Variants in KYAT1 observed in about 807,000 individuals in gnomAD.
KYAT1 encodes the protein kynurenine aminotransferase 1, also known as kynurenine--oxoglutarate transaminase 1.
In KYAT1, 47 loss-of-function variants were observed where a neutral mutation model predicts 52.4. The ratio of observed to expected loss-of-function variants is 0.90; its 90% CI spans 0.71 to 1.14. KYAT1 has a LOEUF of 1.14. Among genes scored for constraint, KYAT1 ranks in the 50% most tolerant of loss-of-function variants. The pLI, the probability that KYAT1 is intolerant of heterozygous loss-of-function variation, is 0.00. For synonymous variants in KYAT1, 212 were observed against 209.6 expected (o/e 1.01, Z -0.10); for missense variants, 480 against 557.9 (o/e 0.86, Z 1.41).
Position 128,835,315 on chromosome 9 carries a change from C to A in KYAT1, c.1122+8G>T. 6.2e-7 allele frequency: 1 copy of A among 1,612,592 alleles called. No homozygotes were observed. Among genetic ancestry groups the A allele is most frequent in the Non-Finnish European group, 8.5e-7 (1 of 1,178,864 alleles). ...CATACATGGCTGCCTGGCAGAGGCC[C>A]AGCCCACCTTGTTCTTGATCATCCA... On this transcript the variant is annotated splice_region_variant and intron_variant, in intron 11 of 12. Transcript: ENST00000302586.
intron 1 of KYAT1, among the ~76,000 whole-genome samples, chr9:128,870,292 A>G (rs1043491766): frequency 1.3e-5 from 2 of 152,216 alleles, no homozygotes; most frequent in African/African-American, 4.8e-5. Flanking sequence ...AATATTATTC[A>G]GCCACAAAAT....
At chr9:128,868,239 C>A (rs59077138) in intron 1 of KYAT1, among the ~76,000 whole-genome samples, 2 of 151,202 alleles carry the variant, frequency 1.3e-5, no homozygotes, top group East Asian at 3.9e-4. Context: ...TGCAATGGCA[C>A]GATCTTGATT....
At chr9:128,848,132 C>T (rs983630145) in intron 1 of KYAT1, among the ~76,000 whole-genome samples, 3 of 151,962 alleles carry the variant, frequency 2.0e-5, no homozygotes, top group African/African-American at 4.8e-5. Flanking sequence ...CCAGCCTGGG[C>T]AACATACTGA....
In KYAT1 at chr9:128,836,011, C is replaced by T. The variant is rs761783466; in HGVS notation, c.751G>A (p.Ala251Thr). 8 of 1,613,408 alleles carry T rather than the reference C, an allele frequency of 5.0e-6. No individual in the cohort carries two copies. Among genetic ancestry groups the T allele is most frequent in the Non-Finnish European group, 3.4e-6 (4 of 1,179,544 alleles). The change falls in exon 8 of 13, where the codon GCC becomes ACC. Residue 251 changes from alanine (A) to threonine (T), a missense_variant. Coordinates refer to ENST00000302586, the MANE Select transcript of KYAT1 (RefSeq NM_004059.5). ...TIGSAGKTFS[A>T]TGWKVGWVLG... is the part of the protein sequence containing the mutation. ...CAGCAACTCACCTTCCAGCCAGTGG[C>T]GCTGAAGGTCTTGCCGGCGCTGCCG...
intron 1 of KYAT1, chr9:128,847,339 GA>G: frequency 1.3e-6 from 1 of 777,072 alleles, no homozygotes; most frequent in Non-Finnish European, 2.0e-6. Flanking sequence ...CCCTGAAAGA[GA>G]AGGCTCATGC....
intron 1 of KYAT1, among the ~76,000 whole-genome samples, chr9:128,871,043 G>A (rs571228958): frequency 4.0e-5 from 6 of 151,886 alleles, no homozygotes; most frequent in South Asian, 4.1e-4. Flanking sequence ...CAGGCTGGCC[G>A]CGGTGACTCA....
At chr9:128,852,311 T>C (rs933378933) in intron 1 of KYAT1, among the ~76,000 whole-genome samples, 1 of 152,166 alleles carries the variant, frequency 6.6e-6, no homozygotes, top group African/African-American at 2.4e-5. Context: ...CCTTTAATTA[T>C]AATTGATCTG....
intron 7 of KYAT1, 98 bp downstream of exon 7, chr9:128,836,704 C>A (rs1243184797): frequency 3.6e-5 from 50 of 1,406,152 alleles, no homozygotes; most frequent in Non-Finnish European, 4.7e-5. Context: ...GGCTCCATAA[C>A]CCTGGGTTCT....
At chr9:128,874,213 G>A (rs1332366562) in intron 1 of KYAT1, among the ~76,000 whole-genome samples, 22 of 150,222 alleles carry the variant, frequency 1.5e-4, no homozygotes, top group Admixed American at 1.3e-4. Context: ...CCGAGATCAC[G>A]CCACTGCGCT....
chr9:128,879,136 C>G (rs1000724028), intron 1 of KYAT1, among the ~76,000 whole-genome samples: 11 of 152,144 alleles, frequency 7.2e-5, no homozygotes, highest in Non-Finnish European at 1.5e-4. Context: ...CGGTGAAACC[C>G]CGTCTCTACT....
upstream of KYAT1, chr9:128,882,386 C>A (rs1839086853): frequency 4.1e-6 from 1 of 245,558 alleles, no homozygotes; most frequent in Non-Finnish European, 7.8e-6. Context: ...CCCTGGGGAC[C>A]TCCCGCGGTG....
In KYAT1 at chr9:128,836,090, A is replaced by G. The variant is rs1831040465; in HGVS notation, c.689-17T>C. 6.2e-7 allele frequency: 1 copy of G among 1,612,402 alleles called. No homozygotes were observed. The highest frequency in any genetic ancestry group is 1.3e-5 in the African/African-American group (1 of 75,016). ...GGAGGCTGGCTGCCCAAGGCCGAAC[A>G]GAACAGCTGCTGAGACTGGGGTGAG... On this transcript the variant is annotated splice_polypyrimidine_tract_variant and intron_variant, in intron 7 of 12. Transcript: ENST00000302586.
At chr9:128,846,600 C>CAAAAAAAAA (rs57333664) in intron 1 of KYAT1, 85 of 419,148 alleles carry the variant, frequency 2.0e-4, no homozygotes, top group Admixed American at 3.9e-4. Flanking sequence ...AAGACTCTAC[C>CAAAAAAAAA]AAAAAAAAAA....
chr9:128,860,949 G>A (rs1221568163), intron 1 of KYAT1, among the ~76,000 whole-genome samples: 1 of 152,114 alleles, frequency 6.6e-6, no homozygotes, highest in Non-Finnish European at 1.5e-5. Context: ...AAAGATCACT[G>A]ATCACAGATC....
Position 128,833,507 on chromosome 9 carries a change from A to G in KYAT1, c.*77T>C. On this transcript the variant is annotated 3_prime_UTR_variant, in exon 13 of 13. Coordinates refer to ENST00000302586, the MANE Select transcript of KYAT1 (RefSeq NM_004059.5). ...CTTCCCCAACCTAGAAATGTCTGAAACCTGGACAAAGACAGACACTCAAAG... is the reference window on the plus strand; with the variant it reads ...CTTCCCCAACCTAGAAATGTCTGAAGCCTGGACAAAGACAGACACTCAAAG... 6.9e-7 allele frequency: 1 copy of G among 1,443,760 alleles called. No individual in the cohort carries two copies. Among genetic ancestry groups the G allele is most frequent in the Non-Finnish European group, 9.7e-7 (1 of 1,025,656 alleles). 89.4% of individuals were successfully genotyped at this position (1,443,760 alleles called of 1,614,324 possible). A position where few individuals can be genotyped will look rare whatever the true frequency, so the allele number is the denominator to read the frequency against.
intron 3 of KYAT1, among the ~76,000 whole-genome samples, chr9:128,839,790 C>T (rs1479667552): frequency 1.3e-5 from 2 of 152,190 alleles, no homozygotes; most frequent in African/African-American, 4.8e-5. Flanking sequence ...CCGTGGCTCA[C>T]GCCTGTAATC....
rs139153919 is a variant in KYAT1, at chr9:128,864,322, C to A, written c.-7+17575G>T. 1.6e-3 allele frequency among the ~76,000 whole-genome samples: 228 copies of A among 143,130 alleles called. 1 individual carries two copies. The highest frequency in any genetic ancestry group is 5.6e-3 in the African/African-American group (218 of 39,162). 93.9% of individuals were successfully genotyped at this position (143,130 alleles called of 152,430 possible). A position where few individuals can be genotyped will look rare whatever the true frequency, so the allele number is the denominator to read the frequency against. On this transcript the variant is annotated intron_variant, in intron 1 of 12. Transcript: ENST00000302586. ...CGAAGATTGTAGTGAGCCGAGATTG[C>A]GCCATTGCACTCCAGCCTGGGCGAC...
intron 1 of KYAT1, among the ~76,000 whole-genome samples, chr9:128,868,600 G>C (rs537021387): frequency 2.0e-5 from 3 of 151,818 alleles, no homozygotes; most frequent in Non-Finnish European, 2.9e-5. Flanking sequence ...GCAGTGGTGC[G>C]ATCACGGCTC....
At position 128,835,516 on chromosome 9, in the gene KYAT1, C is replaced by T; in HGVS notation, c.1007G>A (p.Gly336Asp). Residue 336 changes from glycine to aspartate, a missense_variant, in exon 10 of 13, where the codon GGC becomes GAC. Transcript: ENST00000302586. ...GATGTCTGTGATGAGGAAGTAGCTG[C>T]CCTGAGGGATGATGGGCTTCAGGCC... Reference protein sequence around the residue: ...SVGLKPIIPQGSYFLITDISD... With the variant: ...SVGLKPIIPQDSYFLITDISD... The T allele has an allele frequency of 6.2e-7, 1 of 1,613,800 alleles. No individual in the cohort carries two copies. The highest frequency in any genetic ancestry group is 8.5e-7 in the Non-Finnish European group (1 of 1,180,024).
Sources: allele counts gnomAD v4.1 joint callset (sites outside exome capture counted in the v4.1 genomes callset), GRCh38; gene constraint gnomAD v4.1.1; transcripts MANE v1.5; gene names NCBI Gene and HGNC (gene_info 2026-07-23, HGNC 2026-07-21).